The following FAAH2 variants were observed in gnomAD, a reference collection of about 807,000 sequenced individuals.
FAAH2 encodes the protein fatty acid amide hydrolase 2.
A neutral mutation model predicts 36.9 loss-of-function variants in FAAH2; 60 were observed. That is an observed-to-expected ratio of 1.63 (90% CI 1.32 to 2.02). The LOEUF is 2.02. Ranked by LOEUF, FAAH2 falls within the 30% of genes most tolerant of loss-of-function variation. The probability of loss-of-function intolerance (pLI) is 0.00; values close to 1 mark genes in which losing one functional copy is unlikely to be tolerated. For synonymous variants in FAAH2, 214 were observed against 143.8 expected, an observed-to-expected ratio of 1.49 and a Z score of -3.49; for missense variants, 689 against 397.5, an observed-to-expected ratio of 1.73 and a Z score of -6.23.
chrX:57,381,948 A>T (rs915150577), intron 7 of FAAH2, among the ~76,000 whole-genome samples: 2 of 111,758 alleles, frequency 1.8e-5, no homozygotes, highest in African/African-American at 6.5e-5. Context: ...CAGCAAACGT[A>T]AAAGAACAGA....
intron 5 of FAAH2, among the ~76,000 whole-genome samples, chrX:57,369,199 G>A (rs183122952): frequency 9.1e-6 from 1 of 109,843 alleles, no homozygotes; most frequent in East Asian, 2.8e-4. Flanking sequence ...TAATGTAAAA[G>A]AGCAAATAAT....
Position 57,431,936 on chromosome X carries a change from A to T in FAAH2, c.1015A>T (p.Thr339Ser), listed in dbSNP as rs1487355404. 22 of 1,198,781 alleles carry T rather than the reference A, an allele frequency of 1.8e-5. No individual in the cohort carries two copies. The highest frequency in any genetic ancestry group is 2.4e-5 in the Non-Finnish European group (21 of 888,076). The change falls in exon 8 of 11, where the codon ACT becomes TCT. Residue 339 changes from threonine to serine, a missense_variant. Coordinates refer to ENST00000374900, the MANE Select transcript of FAAH2 (RefSeq NM_174912.4). ...TQKKVVVHLE[T>S]ILGASVQHVK... ...TTATAAGGTTGTGGTTCACCTTGAA[A>T]CTATTCTAGGAGCCTCAGTTCAACA...
At chrX:57,352,054 A>G (rs1326104075) in intron 5 of FAAH2, among the ~76,000 whole-genome samples, 2 of 43,966 alleles carry the variant, frequency 4.5e-5, no homozygotes, top group African/African-American at 1.5e-4. Context: ...ATATGTGTAT[A>G]TATATATATA....
the FAAH2 span, among the ~76,000 whole-genome samples, chrX:57,181,866 G>A: frequency 2.7e-5 from 3 of 111,662 alleles, no homozygotes; most frequent in Non-Finnish European, 5.7e-5. Flanking sequence ...CATGGTACTG[G>A]TACACAAACA....
chrX:57,303,099 A>G (rs1232645502), intron 2 of FAAH2, among the ~76,000 whole-genome samples: 1 of 111,416 alleles, frequency 9.0e-6, no homozygotes, highest in Non-Finnish European at 1.9e-5. Flanking sequence ...AAGTGTACAT[A>G]CTTAAGGCAC....
intron 7 of FAAH2, among the ~76,000 whole-genome samples, chrX:57,427,002 A>T (rs2056178039): frequency 9.0e-6 from 1 of 111,487 alleles, no homozygotes; most frequent in Non-Finnish European, 1.9e-5. Context: ...TCTCTAGAAT[A>T]ACCATGAGAA....
chrX:57,349,139 T>A (rs1461653920), intron 5 of FAAH2, among the ~76,000 whole-genome samples: 1 of 84,670 alleles, frequency 1.2e-5, no homozygotes, highest in Non-Finnish European at 2.3e-5. Flanking sequence ...ATATATATAT[T>A]ATATACATAT....
the FAAH2 span, among the ~76,000 whole-genome samples, chrX:57,273,203 T>A: frequency 1.8e-5 from 2 of 111,650 alleles, no homozygotes; most frequent in African/African-American, 6.5e-5. Context: ...AATGCAGCAA[T>A]GAGAGCTAAC....
chrX:57,171,495 T>G, the FAAH2 span, among the ~76,000 whole-genome samples: 1 of 112,042 alleles, frequency 8.9e-6, no homozygotes, highest in African/African-American at 3.2e-5. Context: ...TTAATTTTCA[T>G]TTCCCTGATG....
rs1247985750 is a variant in FAAH2 at position 57,472,043 on chromosome X, T to C, written c.1424-16714T>C. Among the ~76,000 whole-genome samples, 5 of 112,077 alleles carry C rather than the reference T, an allele frequency of 4.5e-5. No homozygotes were observed. In the East Asian group the frequency reaches 1.4e-3, roughly 31 times the overall value. ...GCTGGGAAAACTGGCTAGCCATATG[T>C]AGAAAGCTGAAACTGGATCCCTTCC... On this transcript the variant is annotated intron_variant, in intron 10 of 10. Coordinates refer to ENST00000374900, the MANE Select transcript of FAAH2 (RefSeq NM_174912.4).
At chrX:57,411,739 T>C (rs899447654) in intron 7 of FAAH2, among the ~76,000 whole-genome samples, 1 of 111,157 alleles carries the variant, frequency 9.0e-6, no homozygotes, top group East Asian at 2.8e-4. Flanking sequence ...TCCTTTTCCT[T>C]GGGCCTCTTT....
At chrX:57,479,984 C>T (rs939190015) in intron 10 of FAAH2, among the ~76,000 whole-genome samples, 14 of 111,724 alleles carry the variant, frequency 1.3e-4, no homozygotes, top group Non-Finnish European at 2.3e-4. Flanking sequence ...CTACAAACAC[C>T]GCTATGCAAA....
At chrX:57,202,757 A>G in the FAAH2 span, among the ~76,000 whole-genome samples, 1 of 112,106 alleles carries the variant, frequency 8.9e-6, no homozygotes, top group Non-Finnish European at 1.9e-5. Flanking sequence ...GAAAGTCTGT[A>G]GATGTCATCT....
chrX:57,461,782 G>T (rs2056961789), intron 10 of FAAH2, among the ~76,000 whole-genome samples: 1 of 108,663 alleles, frequency 9.2e-6, no homozygotes, highest in East Asian at 2.9e-4. Context: ...GCAATCAGAA[G>T]ACACAAAATA....
At chrX:57,256,591 T>C in the FAAH2 span, among the ~76,000 whole-genome samples, 49,862 of 110,405 alleles carry the variant, frequency 0.45, 11,230 homozygotes, top group African/African-American at 0.88. Flanking sequence ...CCATAAAAAT[T>C]CTAGAAGAAA....
the FAAH2 span, among the ~76,000 whole-genome samples, chrX:57,176,021 G>T: frequency 9.0e-6 from 1 of 110,852 alleles, no homozygotes; most frequent in Non-Finnish European, 1.9e-5. Flanking sequence ...CCTTCACATT[G>T]ACTTTATATA....
chrX:57,198,767 T>A, the FAAH2 span, among the ~76,000 whole-genome samples: 1 of 112,410 alleles, frequency 8.9e-6, no homozygotes, highest in South Asian at 3.7e-4. Context: ...GAACTGTGAG[T>A]GCCTACAGGG....
Position 57,306,019 on chromosome X carries a change from C to A in FAAH2, c.276-4574C>A, listed in dbSNP as rs760533735. Among the ~76,000 whole-genome samples, 13 of 112,104 alleles carry A rather than the reference C, an allele frequency of 1.2e-4. 1 individual carries two copies. The South Asian group carries it at 4.8e-3, about 42-fold the overall frequency. On this transcript the variant is annotated intron_variant, in intron 2 of 10. Transcript: ENST00000374900. ...GCTTTCAGTAACTAGCAGTCTTAGG[C>A]ATGTGGATGCTTTACTGAGGTTCCA...
intron 4 of FAAH2, among the ~76,000 whole-genome samples, chrX:57,335,542 A>G (rs1194433639): frequency 8.8e-6 from 1 of 113,283 alleles, no homozygotes; most frequent in African/African-American, 3.2e-5. Flanking sequence ...TCCAGCCCTA[A>G]GGCAGTTTTC....
Sources: gnomAD v4.1 joint callset for allele counts (sites outside exome capture counted in the v4.1 genomes callset) on GRCh38, gnomAD v4.1.1 for gene constraint, MANE v1.5 for transcripts, NCBI Gene and HGNC (gene_info 2026-07-23, HGNC 2026-07-21) for gene names.